PDE4A: variants seen among roughly 807,000 people sequenced by gnomAD.
PDE4A encodes 3',5'-cyclic-AMP phosphodiesterase 4A.
In PDE4A, 21 loss-of-function variants were observed where a neutral mutation model predicts 73.9. That is an observed-to-expected ratio of 0.28 (90% CI 0.20 to 0.41). The LOEUF is 0.41. PDE4A is among the 10% of genes least tolerant of loss of function. The pLI is 1.00. For synonymous variants in PDE4A, 463 were observed against 505.4 expected (o/e 0.92, Z 1.13); for missense variants, 958 against 1,211.4 (o/e 0.79, Z 3.10).
Position 10,458,078 on chromosome 19 carries a change from C to G in PDE4A, c.1077C>G (p.Thr359=). The change falls in exon 8 of 15, where the codon ACC becomes ACG. Residue 359 remains threonine (T), a synonymous_variant. Coordinates refer to ENST00000380702, the MANE Select transcript of PDE4A (RefSeq NM_001111307.2). The surrounding 1 kb of genome is among the most constrained non-coding windows in gnomAD (Gnocchi z 4.6). ...ACATTCCCCGATTTGGGGTGAAGAC[C>G]GATCAAGAAGAGCTCCTGGCCCAAG... is the stretch of plus-strand genomic sequence containing the variant. ...NSNIPRFGVK[T]DQEELLAQEL... is the part of the protein sequence containing the mutation. The G allele has an allele frequency of 6.2e-7, 1 of 1,613,718 alleles. No individual in the cohort carries two copies. Among genetic ancestry groups the G allele is most frequent in the Non-Finnish European group, 8.5e-7 (1 of 1,180,008 alleles).
chr19:10,431,922 T>C (rs2042793797), intron 1 of PDE4A, among the ~76,000 whole-genome samples: 2 of 150,502 alleles, frequency 1.3e-5, no homozygotes, highest in Admixed American at 6.6e-5. Flanking sequence ...GTCTCTTCTG[T>C]CTCTGTTTTG....
intron 6 of PDE4A, chr19:10,452,867 C>A: frequency 3.3e-6 from 2 of 612,710 alleles, no homozygotes; most frequent in Non-Finnish European, 2.1e-6. Flanking sequence ...CCTTTAATAC[C>A]CCCCCACCCC....
upstream of PDE4A, among the ~76,000 whole-genome samples, chr19:10,418,566 T>C (rs2042609532): frequency 6.6e-6 from 1 of 151,930 alleles, no homozygotes; most frequent in Admixed American, 6.6e-5. Context: ...GTCCAATGGT[T>C]CATTTCCAGA....
chr19:10,443,047 C>T (rs1377812831), intron 1 of PDE4A, among the ~76,000 whole-genome samples: 1 of 151,980 alleles, frequency 6.6e-6, no homozygotes, highest in Non-Finnish European at 1.5e-5. Flanking sequence ...GGTGTGGTGG[C>T]ACGTGCCTAT....
chr19:10,463,771 C>T (rs1313219690), intron 13 of PDE4A, 22 bp from the exon 14 acceptor site: 1 of 1,612,874 alleles, frequency 6.2e-7, no homozygotes, highest in South Asian at 1.1e-5. Flanking sequence ...TGAAGTTTCC[C>T]CTGTGCCCCA....
Position 10,431,022 on chromosome 19 carries a change from C to G in PDE4A, c.320+9938C>G, listed in dbSNP as rs753643157. On this transcript the variant is annotated intron_variant, in intron 1 of 14. Transcript: ENST00000380702. ...CTTCGCCAGCCCGTCCCCAACTTTC[C>G]GCAGACGCCTTCGGCTTCTCCGCAG... 4.4e-6 allele frequency: 7 copies of G among 1,578,516 alleles called. No homozygotes were observed. In the East Asian group the frequency reaches 7.2e-5, roughly 16 times the overall value.
chr19:10,426,796 A>T lies in PDE4A; in HGVS notation c.320+5712A>T, dbSNP rs144168186. Among the ~76,000 whole-genome samples, 24 of 151,586 alleles carry T rather than the reference A, an allele frequency of 1.6e-4. 1 individual carries two copies. In the East Asian group the frequency reaches 4.5e-3, roughly 28 times the overall value. ...GGGAGGAGGATTGCATGAACCCAGG[A>T]GGCGGAGGTTGCAGTGAGCCGAGAT... On this transcript the variant is annotated intron_variant, in intron 1 of 14. Transcript: ENST00000380702.
intron 6 of PDE4A, among the ~76,000 whole-genome samples, chr19:10,452,219 C>A (rs1339526575): frequency 2.0e-5 from 3 of 151,842 alleles, no homozygotes; most frequent in South Asian, 2.1e-4. Flanking sequence ...GCGGGCGGAT[C>A]ACCTGAGGTC....
chr19:10,459,406 G>A lies in PDE4A; in HGVS notation c.1108G>A (p.Glu370Lys). 6.8e-6 allele frequency: 11 copies of A among 1,614,246 alleles called. No individual in the cohort carries two copies. Among genetic ancestry groups the A allele is most frequent in the Non-Finnish European group, 9.3e-6 (11 of 1,180,050 alleles). Reference sequence around the variant, plus strand: ...TGGCCTCCGTCTCCACCAGGAACTGGAGAACCTGAACAAGTGGGGCCTGAA... The same window carrying A: ...TGGCCTCCGTCTCCACCAGGAACTGAAGAACCTGAACAAGTGGGGCCTGAA... ...DQEELLAQEL[E>K]NLNKWGLNIF... Residue 370 changes from glutamate to lysine, a missense_variant, in exon 9 of 15, where the codon GAG becomes AAG. Glu to Lys is a moderately conservative substitution (Grantham distance 56, BLOSUM62 1). Around this residue, in one of 3 missense-constraint regions of PDE4A, gnomAD observed 570 missense variants for 827.7 expected, o/e 0.69. Transcript: ENST00000380702.
upstream of PDE4A, among the ~76,000 whole-genome samples, chr19:10,418,385 C>T (rs12971458): frequency 6.6e-6 from 1 of 152,138 alleles, no homozygotes; most frequent in Non-Finnish European, 1.5e-5. Flanking sequence ...GAGTACTCAA[C>T]CCCCCTCTTG....
intron 7 of PDE4A, 29 bp downstream of exon 7, chr19:10,454,951 A>AG: frequency 6.2e-7 from 1 of 1,610,312 alleles, no homozygotes; most frequent in Non-Finnish European, 8.5e-7. Context: ...GTGGGATTGG[A>AG]GGGGGGACAT....
At chr19:10,443,883 T>C (rs2042969863) in intron 1 of PDE4A, among the ~76,000 whole-genome samples, 3 of 151,422 alleles carry the variant, frequency 2.0e-5, no homozygotes, top group Non-Finnish European at 4.4e-5. Context: ...GGCAGGTGCC[T>C]GTAATCCCAG....
At chr19:10,465,483 G>A (rs1713809622) in intron 14 of PDE4A, among the ~76,000 whole-genome samples, 1 of 151,662 alleles carries the variant, frequency 6.6e-6, no homozygotes, top group Admixed American at 6.6e-5. Flanking sequence ...GCCTCCCAAA[G>A]TGCTGGGATT....
intron 6 of PDE4A, chr19:10,452,963 G>A (rs2043115128): frequency 1.7e-6 from 2 of 1,195,350 alleles, no homozygotes; most frequent in East Asian, 4.6e-5. Context: ...GAGCTCCGCA[G>A]CCTCCTCCTG....
upstream of PDE4A, chr19:10,417,027 C>T (rs1168143447): frequency 2.0e-6 from 3 of 1,534,616 alleles, no homozygotes; most frequent in East Asian, 4.9e-5. Context: ...GGCGGGGCTT[C>T]GCCCCTTGGG....
intron 13 of PDE4A, among the ~76,000 whole-genome samples, 157 bp downstream of exon 13, chr19:10,462,156 G>A (rs947176388): frequency 2.0e-5 from 3 of 151,876 alleles, no homozygotes; most frequent in Non-Finnish European, 4.4e-5. Context: ...TTTTTGAGAC[G>A]GAGTCTTGCT....
intron 6 of PDE4A, chr19:10,454,627 C>T (rs2043143927): frequency 1.5e-5 from 6 of 398,714 alleles, no homozygotes; most frequent in Non-Finnish European, 2.0e-5. Flanking sequence ...CATGACTCCC[C>T]AAACCTGGGG....
intron 2 of PDE4A, 113 bp downstream of exon 2, chr19:10,446,522 A>C: frequency 7.9e-7 from 1 of 1,271,616 alleles, no homozygotes; most frequent in Non-Finnish European, 1.1e-6. Context: ...AGCACTCCCA[A>C]CCTGTCCTCC....
chr19:10,441,686 T>TTA (rs1344872610), intron 1 of PDE4A, among the ~76,000 whole-genome samples: 13 of 124,060 alleles, frequency 1.0e-4, no homozygotes, highest in Middle Eastern at 4.0e-3. Flanking sequence ...TTTGAGTTAT[T>TTA]TTTTTTTTTT....
Sources: allele counts gnomAD v4.1 joint callset (sites outside exome capture counted in the v4.1 genomes callset), GRCh38; gene constraint gnomAD v4.1.1; regional missense constraint gnomAD v4.1.1; non-coding constraint Gnocchi (gnomAD v3.1); transcripts MANE v1.5; gene names NCBI Gene and HGNC (gene_info 2026-07-23, HGNC 2026-07-21).